Variants in PPP1R9A observed in about 807,000 individuals in gnomAD.
The protein encoded by PPP1R9A is neurabin-1.
In PPP1R9A, 59 loss-of-function variants were observed where a neutral mutation model predicts 141.9. The ratio of observed to expected loss-of-function variants is 0.42; its 90% CI spans 0.34 to 0.52. The LOEUF is 0.52. PPP1R9A is among the 20% of genes least tolerant of loss of function. PPP1R9A has a pLI of 0.10. For missense variants in PPP1R9A, 1,444 were observed against 1,611.9 expected, an observed-to-expected ratio of 0.90 and a Z score of 1.78; for synonymous variants, 500 against 569.7, an observed-to-expected ratio of 0.88 and a Z score of 1.74.
chr7:95,245,601 A>G (rs1798019934), intron 8 of PPP1R9A, among the ~76,000 whole-genome samples: 2 of 152,150 alleles, frequency 1.3e-5, no homozygotes, highest in Non-Finnish European at 2.9e-5. Flanking sequence ...TATAGACCTC[A>G]TCAGTGAAGG....
At chr7:95,233,295 C>T (rs1796229457) in intron 8 of PPP1R9A, among the ~76,000 whole-genome samples, 1 of 151,838 alleles carries the variant, frequency 6.6e-6, no homozygotes, top group Non-Finnish European at 1.5e-5. Context: ...CACATGTTCT[C>T]ACTCATAAGT....
intron 2 of PPP1R9A, among the ~76,000 whole-genome samples, chr7:95,021,685 T>A (rs927046330): frequency 4.6e-5 from 7 of 152,186 alleles, no homozygotes; most frequent in African/African-American, 1.4e-4. Context: ...GTTTTTTGCA[T>A]ATGGCTAGCC....
intron 3 of PPP1R9A, among the ~76,000 whole-genome samples, chr7:95,115,680 A>G (rs151238938): frequency 6.6e-6 from 1 of 152,060 alleles, no homozygotes; most frequent in Non-Finnish European, 1.5e-5. Context: ...GCACTTTGGG[A>G]GGCTGAGATG....
intron 5 of PPP1R9A, among the ~76,000 whole-genome samples, chr7:95,175,864 A>C (rs2152767801): frequency 6.6e-6 from 1 of 152,298 alleles, no homozygotes; most frequent in South Asian, 2.1e-4. Flanking sequence ...AACAATAGAA[A>C]ATAATTAATC....
chr7:95,174,651 G>A (rs753937203), intron 5 of PPP1R9A, among the ~76,000 whole-genome samples: 4 of 152,128 alleles, frequency 2.6e-5, no homozygotes, highest in Admixed American at 6.6e-5. Context: ...AAAGGCAGAT[G>A]TAATCAATGT....
intron 2 of PPP1R9A, among the ~76,000 whole-genome samples, chr7:95,104,372 A>C (rs1261948610): frequency 1.3e-5 from 2 of 152,232 alleles, no homozygotes; most frequent in Non-Finnish European, 2.9e-5. Context: ...TTTTAAGGAC[A>C]GAAATCTGGG....
intron 4 of PPP1R9A, among the ~76,000 whole-genome samples, chr7:95,157,414 G>A (rs1829805645): frequency 6.6e-6 from 1 of 152,136 alleles, no homozygotes. Flanking sequence ...AGGAGGGTTA[G>A]GCTCCTGCCT....
intron 2 of PPP1R9A, among the ~76,000 whole-genome samples, chr7:95,013,273 A>G (rs769123562): frequency 1.6e-4 from 24 of 152,300 alleles, no homozygotes; most frequent in Middle Eastern, 3.4e-3. Flanking sequence ...ATATGGGAAT[A>G]TAATTCCTAG....
At chr7:94,932,860 C>T (rs2150852528) in intron 2 of PPP1R9A, among the ~76,000 whole-genome samples, 1 of 150,170 alleles carries the variant, frequency 6.7e-6, no homozygotes, top group South Asian at 2.1e-4. Flanking sequence ...TGTCACATAC[C>T]TGAGAGACAG....
chr7:94,973,017 A>G (rs1212677676), intron 2 of PPP1R9A, among the ~76,000 whole-genome samples: 3 of 152,072 alleles, frequency 2.0e-5, no homozygotes, highest in Non-Finnish European at 4.4e-5. Flanking sequence ...CCTGGACACA[A>G]TATATTTTTA....
chr7:95,265,328 C>G (rs1017939898), intron 12 of PPP1R9A, among the ~76,000 whole-genome samples: 6 of 152,182 alleles, frequency 3.9e-5, no homozygotes, highest in Non-Finnish European at 7.4e-5. Context: ...TCTATTCACT[C>G]TCTGTCACAG....
intron 9 of PPP1R9A, among the ~76,000 whole-genome samples, chr7:95,247,843 A>G (rs1451125843): frequency 6.6e-6 from 1 of 152,190 alleles, no homozygotes; most frequent in African/African-American, 2.4e-5. Flanking sequence ...TAATTCCTTA[A>G]GCAAAGCTAC....
At chr7:95,225,888 TA>T in intron 7 of PPP1R9A, 72 bp from the exon 8 acceptor site, 2 of 1,488,802 alleles carry the variant, frequency 1.3e-6, no homozygotes, top group Non-Finnish European at 9.1e-7. Flanking sequence ...TTGTCTTTTA[TA>T]AAATATTTTC....
At chr7:94,950,707 G>C (rs1299837166) in intron 2 of PPP1R9A, among the ~76,000 whole-genome samples, 1 of 151,948 alleles carries the variant, frequency 6.6e-6, no homozygotes. Flanking sequence ...GTTGTGGATA[G>C]TGTCTTCTTT....
chr7:95,288,369 A>T (rs1412308740), intron 18 of PPP1R9A, among the ~76,000 whole-genome samples, 167 bp from the exon 19 acceptor site: 1 of 152,220 alleles, frequency 6.6e-6, no homozygotes, highest in Non-Finnish European at 1.5e-5. Context: ...ACATAAAAAC[A>T]TATAGGTAAT....
chr7:95,046,051 T>C (rs1192005579), intron 2 of PPP1R9A, among the ~76,000 whole-genome samples: 1 of 151,856 alleles, frequency 6.6e-6, no homozygotes, highest in Non-Finnish European at 1.5e-5. Context: ...CAGTGTTGAG[T>C]ATCATTAAGA....
chr7:94,934,873 T>TTAAGAGATGTGTTGCCC (rs1794596740), intron 2 of PPP1R9A, among the ~76,000 whole-genome samples: 2 of 151,782 alleles, frequency 1.3e-5, no homozygotes, highest in Non-Finnish European at 2.9e-5. Context: ...CACATATATT[T>TTAAGAGATGTGTTGCCC]TAAGAGATGT....
intron 8 of PPP1R9A, among the ~76,000 whole-genome samples, chr7:95,229,304 C>A (rs1207525739): frequency 6.6e-6 from 1 of 151,968 alleles, no homozygotes; most frequent in Non-Finnish European, 1.5e-5. Context: ...TGCAGGCTCC[C>A]TAAAATGCCA....
chr7:95,002,269 A>G (rs1803043510), intron 2 of PPP1R9A, among the ~76,000 whole-genome samples: 1 of 152,230 alleles, frequency 6.6e-6, no homozygotes, highest in East Asian at 1.9e-4. Context: ...ATTAGGATTT[A>G]TTCATACACT....
Sources: gnomAD v4.1 joint callset for allele counts (sites outside exome capture counted in the v4.1 genomes callset) on GRCh38, gnomAD v4.1.1 for gene constraint, MANE v1.5 for transcripts, NCBI Gene and HGNC (gene_info 2026-07-23, HGNC 2026-07-21) for gene names.